LRIF1: variants seen among roughly 807,000 people sequenced by gnomAD.
The protein encoded by LRIF1 is ligand-dependent nuclear receptor-interacting factor 1.
Under a neutral mutation model 52.7 loss-of-function variants are expected in LRIF1, and 32 were observed. That is an observed-to-expected ratio of 0.61 (90% CI 0.46 to 0.82). The LOEUF (loss-of-function observed/expected upper bound fraction) is 0.82. Among genes scored for constraint, LRIF1 ranks in the 40% least tolerant of loss-of-function variants. LRIF1 has a pLI of 0.00. For synonymous variants in LRIF1, 323 were observed against 317.4 expected (o/e 1.02, Z -0.19); for missense variants, 887 against 892.0 (o/e 0.99, Z 0.07).
At chr1:110,950,309 T>A (rs574087213) in intron 2 of LRIF1, among the ~76,000 whole-genome samples, 186 bp from the exon 3 acceptor site, 12 of 152,330 alleles carry the variant, frequency 7.9e-5, no homozygotes, top group Non-Finnish European at 1.6e-4. Flanking sequence ...ACTTAAAATA[T>A]TCCCCCCTAC....
At chr1:110,954,220 C>T (rs1175742213) in intron 1 of LRIF1, among the ~76,000 whole-genome samples, 1 of 152,090 alleles carries the variant, frequency 6.6e-6, no homozygotes, top group Admixed American at 6.6e-5. Context: ...TTATTATATC[C>T]TTACAAAAAT....
chr1:110,948,938 G>C (rs966595509), intron 3 of LRIF1, among the ~76,000 whole-genome samples: 5 of 151,974 alleles, frequency 3.3e-5, no homozygotes, highest in African/African-American at 1.2e-4. Context: ...TACTACATTT[G>C]AATTATTTCC....
rs371814930 is a variant in LRIF1 at position 110,952,200 on chromosome 1, G to A, written c.684C>T (p.Thr228=). 2.4e-5 allele frequency: 38 copies of A among 1,613,986 alleles called. No homozygotes were observed. Among genetic ancestry groups the A allele is most frequent in the African/African-American group, 1.9e-4 (14 of 74,892 alleles). Residue 228 remains threonine (T), a synonymous_variant, in exon 2 of 4, where the codon ACC becomes ACT. Transcript: ENST00000369763. ...SGMVEASQMP[T]VIYVSPVNTV... ...TATTTACAGGAGATACATAAATAAC[G>A]GTTGGCATTTGGGAGGCCTCAACCA...
chr1:110,959,529 A>T (rs1029016289), intron 1 of LRIF1, among the ~76,000 whole-genome samples: 3 of 152,038 alleles, frequency 2.0e-5, no homozygotes, highest in African/African-American at 7.2e-5. Context: ...AGGTGGGCGG[A>T]TCATGAGGTC....
At position 110,963,885 on chromosome 1, in the gene LRIF1, A is replaced by G. The variant is rs543095279; in HGVS notation, c.-197T>C. The G allele has an allele frequency of 4.4e-6, 2 of 449,648 alleles. No homozygotes were observed. Among genetic ancestry groups the G allele is most frequent in the East Asian group, 3.4e-5 (1 of 29,304 alleles). The allele number at this position is 449,648 out of a possible 1,614,324, so 27.9% of individuals were successfully genotyped here. A position where few individuals can be genotyped will look rare whatever the true frequency, so the allele number is the denominator to read the frequency against. Reference sequence around the variant, plus strand: ...CCCAGGCTTCGGGACGAGGTCGCGCACCGCGCAGAAACCGGAAGGCTCCTG... The same window carrying G: ...CCCAGGCTTCGGGACGAGGTCGCGCGCCGCGCAGAAACCGGAAGGCTCCTG... On this transcript the variant is annotated 5_prime_UTR_variant, in exon 1 of 4. Transcript: ENST00000369763.
chr1:110,895,001 C>T, the LRIF1 span: 1 of 1,613,982 alleles, frequency 6.2e-7, no homozygotes, highest in South Asian at 1.1e-5. Flanking sequence ...ACAGCATCCA[C>T]CGTTACCACT....
At chr1:110,888,342 C>A in the LRIF1 span, among the ~76,000 whole-genome samples, 1 of 152,178 alleles carries the variant, frequency 6.6e-6, no homozygotes, top group Admixed American at 6.5e-5. Context: ...GTCCTGTAAA[C>A]CCTAGCTGCC....
At chr1:110,962,711 T>G (rs148454028) in intron 1 of LRIF1, among the ~76,000 whole-genome samples, 1 of 152,356 alleles carries the variant, frequency 6.6e-6, no homozygotes, top group East Asian at 1.9e-4. Context: ...ACTAGCAAAG[T>G]TGAGATTAAC....
At chr1:110,963,442 C>T in intron 1 of LRIF1, 179 bp downstream of exon 1, 1 of 481,054 alleles carries the variant, frequency 2.1e-6, no homozygotes, top group Non-Finnish European at 3.9e-6. Flanking sequence ...TTACATTTCC[C>T]AGAGGAAAGC....
Position 110,952,022 on chromosome 1 carries a change from G to A in LRIF1, c.862C>T (p.Pro288Ser). ...LKGGQHSQAA[P>S]VKWIFQDNLQ... ...TTATCTTGGAAAATCCATTTCACTG[G>A]AGCAGCTTGAGAATGCTGACCACCT... Residue 288 changes from proline to serine, a missense_variant, in exon 2 of 4, where the codon CCA becomes TCA. By Grantham distance (74) the Pro-to-Ser change is moderately conservative. Coordinates refer to ENST00000369763, the MANE Select transcript of LRIF1 (RefSeq NM_018372.4). 6.2e-7 allele frequency: 1 copy of A among 1,614,148 alleles called. No homozygotes were observed. The highest frequency in any genetic ancestry group is 8.5e-7 in the Non-Finnish European group (1 of 1,180,012).
At chr1:110,927,849 T>G in the LRIF1 span, among the ~76,000 whole-genome samples, 1 of 152,162 alleles carries the variant, frequency 6.6e-6, no homozygotes, top group South Asian at 2.1e-4. Flanking sequence ...AAAAAATACA[T>G]AATAAGCAGC....
chr1:110,926,715 T>C, the LRIF1 span, among the ~76,000 whole-genome samples: 1 of 152,154 alleles, frequency 6.6e-6, no homozygotes, highest in Admixed American at 6.5e-5. Context: ...TAATCTATTG[T>C]TTCCATTCAA....
chr1:110,955,702 T>C (rs891481390), intron 1 of LRIF1, among the ~76,000 whole-genome samples: 18 of 152,172 alleles, frequency 1.2e-4, no homozygotes, highest in Admixed American at 9.8e-4. Flanking sequence ...ATGAAGCAAG[T>C]AGACAACTCT....
chr1:110,910,925 A>T, the LRIF1 span, among the ~76,000 whole-genome samples: 1 of 152,190 alleles, frequency 6.6e-6, no homozygotes, highest in Non-Finnish European at 1.5e-5. Context: ...TTAACAGCCT[A>T]AGATCACACC....
the LRIF1 span, among the ~76,000 whole-genome samples, chr1:110,904,515 C>A: frequency 2.0e-5 from 3 of 152,136 alleles, no homozygotes; most frequent in South Asian, 6.2e-4. Context: ...CCAGGGAATT[C>A]TCCCCAATTT....
At chr1:110,962,915 T>TAA (rs199658391) in intron 1 of LRIF1, among the ~76,000 whole-genome samples, 24 of 147,026 alleles carry the variant, frequency 1.6e-4, no homozygotes, top group African/African-American at 2.2e-4. Context: ...TAATACAATT[T>TAA]AAAAAAAAAA....
At chr1:110,879,230 G>A in the LRIF1 span, among the ~76,000 whole-genome samples, 1 of 152,082 alleles carries the variant, frequency 6.6e-6, no homozygotes, top group East Asian at 1.9e-4. Flanking sequence ...GATACACAGG[G>A]ACTGAGCCAT....
the LRIF1 span, chr1:110,895,098 T>C: frequency 1.4e-6 from 2 of 1,413,284 alleles, no homozygotes; most frequent in Non-Finnish European, 2.0e-6. Context: ...CCAGACTTCA[T>C]TTTCAAGCCT....
chr1:110,905,067 T>G, the LRIF1 span, among the ~76,000 whole-genome samples: 1 of 152,122 alleles, frequency 6.6e-6, no homozygotes, highest in African/African-American at 2.4e-5. Context: ...GAAGACAGGC[T>G]ATTTGAAAAT....
Sources: allele counts gnomAD v4.1 joint callset (sites outside exome capture counted in the v4.1 genomes callset), GRCh38; gene constraint gnomAD v4.1.1; transcripts MANE v1.5; gene names NCBI Gene and HGNC (gene_info 2026-07-23, HGNC 2026-07-21).